The following CHST13 variants were observed in gnomAD, a reference collection of about 807,000 sequenced individuals.
The protein encoded by CHST13 is C4ST-3.
In CHST13, 1 loss-of-function variant was observed where a neutral mutation model predicts 7.0. The ratio of observed to expected loss-of-function variants is 0.14; its 90% CI spans 0.05 to 0.68. CHST13 has a LOEUF of 0.68. Among genes scored for constraint, CHST13 ranks in the 30% least tolerant of loss-of-function variants. The probability of loss-of-function intolerance (pLI) is 0.82; values close to 1 mark genes in which losing one functional copy is unlikely to be tolerated. For missense variants in CHST13, 572 were observed against 507.9 expected (o/e 1.13, Z -1.21); for synonymous variants, 257 against 240.9 (o/e 1.07, Z -0.62).
intron 2 of CHST13, among the ~76,000 whole-genome samples, chr3:126,536,752 C>T (rs1245624073): frequency 1.3e-5 from 2 of 151,874 alleles, no homozygotes; most frequent in African/African-American, 2.4e-5. Flanking sequence ...ATGGACCAGG[C>T]GGGGCTGGCT....
chr3:126,533,571 T>C (rs1196102308), intron 1 of CHST13, among the ~76,000 whole-genome samples: 2 of 152,234 alleles, frequency 1.3e-5, no homozygotes, highest in African/African-American at 4.8e-5. Flanking sequence ...CTGGGATCCA[T>C]CCTACTTGGT....
At position 126,542,049 on chromosome 3, in the gene CHST13, C is replaced by T; in HGVS notation, c.497C>T (p.Ala166Val). ...GCCGAGATCAACCGGCGCCTGCGCG[C>T]CTACTTGGCCTTCCTGTTCGTGCGG... The part of the protein sequence containing the change: ...SPAEINRRLR[A>V]YLAFLFVREP... Residue 166 changes from alanine (A) to valine (V), a missense_variant, in exon 3 of 3, where the codon GCC becomes GTC. Transcript: ENST00000319340. The T allele has an allele frequency of 6.3e-7, 1 of 1,577,156 alleles. No individual in the cohort carries two copies. The highest frequency in any genetic ancestry group is 1.4e-5 in the African/African-American group (1 of 72,440).
Position 126,541,775 on chromosome 3 carries a change from G to T in CHST13, c.223G>T (p.Asp75Tyr). The T allele has an allele frequency of 6.6e-7, 1 of 1,525,268 alleles. No individual in the cohort carries two copies. Among genetic ancestry groups the T allele is most frequent in the South Asian group, 1.2e-5 (1 of 81,600 alleles). The allele number at this position is 1,525,268 out of a possible 1,614,324, so 94.5% of individuals were successfully genotyped here. ...TLAKVHRQRRDLLNSACSRHS... is the reference protein window; with the variant it reads ...TLAKVHRQRRYLLNSACSRHS... ...GGCGAAGGTGCACCGGCAGCGGCGC[G>T]ACCTGCTGAACAGCGCCTGTAGCCG... Residue 75 changes from aspartate to tyrosine, a missense_variant, in exon 3 of 3, where the codon GAC becomes TAC. By Grantham distance (160) the Asp-to-Tyr change is radical. Transcript: ENST00000319340.
intron 1 of CHST13, among the ~76,000 whole-genome samples, chr3:126,535,200 C>T (rs1936752477): frequency 6.6e-6 from 1 of 151,734 alleles, no homozygotes; most frequent in South Asian, 2.1e-4. Flanking sequence ...GACAGACAGA[C>T]AGCATCGCTG....
In CHST13 at chr3:126,540,121, C is replaced by A. The variant is rs900082916; in HGVS notation, c.181-1612C>A. ...CACAGGACACACACGCATTCCCACC[C>A]CACTGGCGTCAGACCCTCCCAAGCA... On this transcript the variant is annotated intron_variant, in intron 2 of 2. Transcript: ENST00000319340. 9.2e-5 allele frequency among the ~76,000 whole-genome samples: 14 copies of A among 151,898 alleles called. 1 individual carries two copies. Among genetic ancestry groups the A allele is most frequent in the South Asian group, 6.2e-4 (3 of 4,808 alleles).
chr3:126,534,992 G>A (rs1936740212), intron 1 of CHST13, among the ~76,000 whole-genome samples: 1 of 145,918 alleles, frequency 6.9e-6, no homozygotes, highest in Admixed American at 6.8e-5. Flanking sequence ...TCCCCAGCCG[G>A]GAGACAGACA....
chr3:126,535,023 CCAGGAGACACACAGCA>C, intron 1 of CHST13, among the ~76,000 whole-genome samples: 1 of 137,208 alleles, frequency 7.3e-6, no homozygotes, highest in Non-Finnish European at 1.6e-5. Context: ...CTGTCCTCAG[CCAGGAGACACACAGCA>C]TCGCTGTCCT....
intron 1 of CHST13, among the ~76,000 whole-genome samples, chr3:126,533,817 A>G (rs887224060): frequency 2.0e-5 from 3 of 152,162 alleles, no homozygotes; most frequent in Non-Finnish European, 4.4e-5. Context: ...TTAAACATTT[A>G]GTAAAATTTA....
Position 126,524,186 on chromosome 3 carries a change from C to A in CHST13, c.-147C>A. The A allele has an allele frequency of 2.1e-6, 1 of 486,004 alleles. No individual in the cohort carries two copies. The highest frequency in any genetic ancestry group is 3.1e-6 in the Non-Finnish European group (1 of 320,074). The allele number at this position is 486,004 out of a possible 1,614,324, so 30.1% of individuals were successfully genotyped here. A position where few individuals can be genotyped will look rare whatever the true frequency, so the allele number is the denominator to read the frequency against. Reference sequence around the variant, plus strand: ...CAGCGACTCGCAGGGGCTGGTGGGGCTGGGGTCCAGCTGCCGTGCTCCCCT... The same window carrying A: ...CAGCGACTCGCAGGGGCTGGTGGGGATGGGGTCCAGCTGCCGTGCTCCCCT... On this transcript the variant is annotated 5_prime_UTR_variant, in exon 1 of 3. It adds an upstream start codon to the 5' untranslated region. Coordinates refer to ENST00000319340, the MANE Select transcript of CHST13 (RefSeq NM_152889.3).
chr3:126,536,240 G>A (rs774142375), intron 1 of CHST13, 31 bp from the exon 2 acceptor site: 3 of 1,598,356 alleles, frequency 1.9e-6, no homozygotes, highest in South Asian at 1.1e-5. Context: ...CCTCTGATAT[G>A]GTGGCGACAT....
chr3:126,534,386 CA>C (rs1255597169), intron 1 of CHST13, among the ~76,000 whole-genome samples: 3 of 149,090 alleles, frequency 2.0e-5, no homozygotes, highest in African/African-American at 7.7e-5. Flanking sequence ...AGCAGTGCAG[CA>C]AGGAGACAGA....
chr3:126,534,822 G>A (rs1025797706), intron 1 of CHST13, among the ~76,000 whole-genome samples: 5 of 150,742 alleles, frequency 3.3e-5, no homozygotes, highest in Non-Finnish European at 5.9e-5. Flanking sequence ...TCAGCCAGGA[G>A]ACAGACATAC....
intron 1 of CHST13, 34 bp downstream of exon 1, chr3:126,524,463 A>C: frequency 3.7e-6 from 3 of 802,568 alleles, no homozygotes; most frequent in Non-Finnish European, 5.0e-6. Context: ...CGCACCCCCA[A>C]CCAAACCTGG....
In CHST13 at chr3:126,535,277, C is replaced by T. The variant is rs192411078; in HGVS notation, c.98-994C>T. On this transcript the variant is annotated intron_variant, in intron 1 of 2. Coordinates refer to ENST00000319340, the MANE Select transcript of CHST13 (RefSeq NM_152889.3). ...GAGACAGACAGACAGCATCACTGTC[C>T]TCAGCTGGAGAAAGACAGACAGCAT... Among the ~76,000 whole-genome samples, 8 of 149,278 alleles carry T rather than the reference C, an allele frequency of 5.4e-5. No individual in the cohort carries two copies. In the East Asian group the frequency reaches 1.6e-3, roughly 31 times the overall value.
chr3:126,541,625 G>C (rs2107573478), intron 2 of CHST13, 108 bp from the exon 3 acceptor site: 2 of 1,100,614 alleles, frequency 1.8e-6, no homozygotes, highest in Non-Finnish European at 2.4e-6. Flanking sequence ...GGTGCCCGGC[G>C]CAGCTCCTGC....
At chr3:126,525,282 C>A (rs927726572) in intron 1 of CHST13, among the ~76,000 whole-genome samples, 5 of 152,134 alleles carry the variant, frequency 3.3e-5, no homozygotes, top group African/African-American at 1.2e-4. Context: ...ATCCTGGGCC[C>A]CACCCTTGGA....
In CHST13 at chr3:126,524,324, C is replaced by G. The variant is rs1038917531; in HGVS notation, c.-9C>G. The G allele has an allele frequency of 3.2e-6, 4 of 1,234,136 alleles. No individual in the cohort carries two copies. The highest frequency in any genetic ancestry group is 4.3e-5 in the Admixed American group (1 of 23,170). The allele number at this position is 1,234,136 out of a possible 1,614,324, so 76.4% of individuals were successfully genotyped here. Reference sequence around the variant, plus strand: ...AGCGGACTGTCCTCCGCCGCGCGCCCGGCACAGCATGGGGAGGCGCTGCTG... The same window carrying G: ...AGCGGACTGTCCTCCGCCGCGCGCCGGGCACAGCATGGGGAGGCGCTGCTG... On this transcript the variant is annotated 5_prime_UTR_variant, in exon 1 of 3. Transcript: ENST00000319340.
intron 1 of CHST13, chr3:126,529,186 G>A (rs1290552277): frequency 1.5e-6 from 1 of 674,198 alleles, no homozygotes; most frequent in Non-Finnish European, 2.3e-6. Context: ...GAGGAGGATG[G>A]TCGTGCTTCT....
chr3:126,534,400 GAC>G lies in CHST13; in HGVS notation c.98-1869_98-1868del, dbSNP rs1936720068. Among the ~76,000 whole-genome samples the G allele has an allele frequency of 5.3e-5, 8 of 152,326 alleles. No individual in the cohort carries two copies. In the South Asian group the frequency reaches 1.7e-3, roughly 32 times the overall value. On this transcript the variant is annotated intron_variant, in intron 1 of 2. Transcript: ENST00000319340. ...GAGCAGTGCAGCAAGGAGACAGACA[GAC>G]AGACAGACAGCATCCCTGTCCTCAT...
Sources: gnomAD v4.1 joint callset for allele counts (sites outside exome capture counted in the v4.1 genomes callset) on GRCh38, gnomAD v4.1.1 for gene constraint, MANE v1.5 for transcripts, NCBI Gene and HGNC (gene_info 2026-07-23, HGNC 2026-07-21) for gene names.